Variants in MCHR2 observed in about 807,000 individuals in gnomAD.
The protein encoded by MCHR2 is melanin-concentrating hormone receptor 2.
MCHR2 carries 15 observed loss-of-function variants against 24.8 expected under a neutral mutation model. The observed-to-expected ratio is 0.60, with a 90% CI of 0.40 to 0.93. The LOEUF is 0.93. MCHR2 is among the 40% of genes least tolerant of loss of function. The pLI is 0.00. For synonymous variants in MCHR2, 151 were observed against 147.6 expected, an observed-to-expected ratio of 1.02 and a Z score of -0.17; for missense variants, 386 against 408.7, an observed-to-expected ratio of 0.94 and a Z score of 0.48.
chr6:99,989,051 T>G (rs1775818926), intron 1 of MCHR2, among the ~76,000 whole-genome samples: 2 of 152,114 alleles, frequency 1.3e-5, no homozygotes, highest in Admixed American at 6.6e-5. Context: ...ATGACTCCTA[T>G]GAGAAAAATA....
chr6:99,982,467 G>GAAAAAAGAAAAAA (rs1324167679), intron 1 of MCHR2, among the ~76,000 whole-genome samples: 1 of 46,638 alleles, frequency 2.1e-5, no homozygotes, highest in African/African-American at 9.1e-5. Flanking sequence ...TGTCTGTACA[G>GAAAAAAGAAAAAA]AAAAAAAAAA....
intron 1 of MCHR2, among the ~76,000 whole-genome samples, chr6:99,977,699 T>C (rs781159578): frequency 3.3e-5 from 5 of 152,148 alleles, no homozygotes; most frequent in Admixed American, 6.5e-5. Flanking sequence ...TAATGGCTAC[T>C]ATGCCTAGTG....
intron 1 of MCHR2, among the ~76,000 whole-genome samples, chr6:99,988,666 T>G (rs1361001870): frequency 6.6e-6 from 1 of 152,148 alleles, no homozygotes; most frequent in African/African-American, 2.4e-5. Context: ...AACGAGATAA[T>G]CAATCAACAA....
chr6:99,971,537 T>C (rs1003463325), intron 1 of MCHR2, among the ~76,000 whole-genome samples: 2 of 152,190 alleles, frequency 1.3e-5, no homozygotes, highest in Admixed American at 6.5e-5. Flanking sequence ...CTTTTCCTAA[T>C]TGAATACCCT....
chr6:99,934,257 A>C (rs575535489), intron 5 of MCHR2, 141 bp downstream of exon 5: 1 of 796,238 alleles, frequency 1.3e-6, no homozygotes, highest in Admixed American at 3.5e-5. Flanking sequence ...TATTTTCCAA[A>C]AATTTTTTCT....
intron 3 of MCHR2, among the ~76,000 whole-genome samples, chr6:99,945,437 G>C (rs970492643): frequency 6.6e-6 from 1 of 152,134 alleles, no homozygotes; most frequent in African/African-American, 2.4e-5. Context: ...TATTGTTTTT[G>C]TATGGCTATG....
intron 5 of MCHR2, among the ~76,000 whole-genome samples, chr6:99,921,819 T>C (rs1774239622): frequency 6.6e-6 from 1 of 152,164 alleles, no homozygotes; most frequent in Non-Finnish European, 1.5e-5. Flanking sequence ...ACTCTCTATG[T>C]CCATGAGTAA....
At chr6:99,985,665 C>T (rs372459990) in intron 1 of MCHR2, among the ~76,000 whole-genome samples, 4 of 152,024 alleles carry the variant, frequency 2.6e-5, no homozygotes, top group Non-Finnish European at 4.4e-5. Context: ...TCAGCATATA[C>T]AAAAGTTAAT....
At chr6:99,935,543 GT>G (rs1263265716) in intron 4 of MCHR2, among the ~76,000 whole-genome samples, 3 of 151,768 alleles carry the variant, frequency 2.0e-5, no homozygotes, top group African/African-American at 7.3e-5. Context: ...ACAGGATTTT[GT>G]TGTTTTTTAT....
chr6:99,990,917 G>C (rs1714746139), intron 1 of MCHR2, among the ~76,000 whole-genome samples: 1 of 147,816 alleles, frequency 6.8e-6, no homozygotes, highest in African/African-American at 2.5e-5. Flanking sequence ...CGGTTCTTCA[G>C]ACCTTGGAGC....
At chr6:99,929,708 C>T (rs1469056715) in intron 5 of MCHR2, among the ~76,000 whole-genome samples, 2 of 151,994 alleles carry the variant, frequency 1.3e-5, no homozygotes, top group South Asian at 2.1e-4. Context: ...TTTCTCCATC[C>T]TTTTATTTTG....
chr6:99,978,420 G>GT (rs3996890), intron 1 of MCHR2, among the ~76,000 whole-genome samples: 2,873 of 104,078 alleles, frequency 0.028, 231 homozygotes, highest in African/African-American at 0.078. Context: ...GGTCAAGACA[G>GT]TTTTTTTTTT....
rs188753354 is a variant in MCHR2, at chr6:99,969,634, T to A, written c.-27-13460A>T. On this transcript the variant is annotated intron_variant, in intron 1 of 5. Transcript: ENST00000281806. ...GCACAATGTGCAGGTCTGTTACATA[T>A]GTATACATGTGCCATGTTGGTGTGC... Among the ~76,000 whole-genome samples the A allele has an allele frequency of 2.8e-4, 43 of 151,852 alleles. No individual in the cohort carries two copies. The East Asian group carries it at 8.4e-3, about 30-fold the overall frequency.
intron 2 of MCHR2, among the ~76,000 whole-genome samples, chr6:99,949,989 C>CATAT (rs1237720127): frequency 6.6e-6 from 1 of 151,892 alleles, no homozygotes; most frequent in Non-Finnish European, 1.5e-5. Flanking sequence ...GGATATAAAC[C>CATAT]ATAAGCAGTT....
At chr6:99,947,261 C>T (rs1335161101) in intron 3 of MCHR2, among the ~76,000 whole-genome samples, 1 of 152,178 alleles carries the variant, frequency 6.6e-6, no homozygotes, top group Non-Finnish European at 1.5e-5. Flanking sequence ...ATAATAACAT[C>T]TATTTACTCC....
At chr6:99,979,008 C>G (rs1277882995) in intron 1 of MCHR2, among the ~76,000 whole-genome samples, 3 of 152,076 alleles carry the variant, frequency 2.0e-5, no homozygotes, top group South Asian at 4.1e-4. Context: ...GCGTACTGCT[C>G]AAAGGCGCCA....
At chr6:99,980,319 G>A (rs915359773) in intron 1 of MCHR2, among the ~76,000 whole-genome samples, 2 of 152,126 alleles carry the variant, frequency 1.3e-5, no homozygotes, top group Admixed American at 6.6e-5. Context: ...TCACTTTAAG[G>A]AAAAATATCT....
At chr6:99,922,499 T>C (rs773108406) in intron 5 of MCHR2, among the ~76,000 whole-genome samples, 1 of 152,222 alleles carries the variant, frequency 6.6e-6, no homozygotes, top group Non-Finnish European at 1.5e-5. Context: ...CAATATTTTC[T>C]GGTAGAAGTT....
At position 99,953,687 on chromosome 6, in the gene MCHR2, C is replaced by CTT. The variant is rs67143555; in HGVS notation, c.182+2277_182+2278dup. ...ATATGAACTTTTTAGATAGACGCTGCTTTTTTTTTTGGTATTTTCATAAAC... is the reference window on the plus strand; with the variant it reads ...ATATGAACTTTTTAGATAGACGCTGCTTTTTTTTTTTTGGTATTTTCATAAAC... On this transcript the variant is annotated intron_variant, in intron 2 of 5. Coordinates refer to ENST00000281806, the MANE Select transcript of MCHR2 (RefSeq NM_001040179.2). Among the ~76,000 whole-genome samples, 439 of 148,230 alleles carry CTT rather than the reference C, an allele frequency of 3.0e-3. 2 individuals carry two copies. The highest frequency in any genetic ancestry group is 9.1e-3 in the African/African-American group (369 of 40,390).
Sources: allele counts gnomAD v4.1 joint callset (sites outside exome capture counted in the v4.1 genomes callset), GRCh38; gene constraint gnomAD v4.1.1; transcripts MANE v1.5; gene names NCBI Gene and HGNC (gene_info 2026-07-23, HGNC 2026-07-21).